Variants in SLC8B1 observed in about 807,000 individuals in gnomAD.
SLC8B1 encodes the protein mitochondrial sodium/calcium exchanger protein.
In SLC8B1, 52 loss-of-function variants were observed where a neutral mutation model predicts 63.4. The ratio of observed to expected loss-of-function variants is 0.82; its 90% confidence interval spans 0.66 to 1.03. The LOEUF (loss-of-function observed/expected upper bound fraction) is 1.03, where lower values mean the gene tolerates loss of function less well. SLC8B1 is among the 50% of genes least tolerant of loss of function. The probability of loss-of-function intolerance (pLI) is 0.00; values close to 1 mark genes in which losing one functional copy is unlikely to be tolerated. For synonymous variants in SLC8B1, 336 were observed against 323.9 expected (o/e 1.04, Z -0.40); for missense variants, 657 against 741.7 (o/e 0.89, Z 1.33).
At chr12:113,328,054 A>T (rs564412205) in intron 2 of SLC8B1, among the ~76,000 whole-genome samples, 15 of 151,556 alleles carry the variant, frequency 9.9e-5, no homozygotes, top group Non-Finnish European at 2.2e-4. Context: ...TTATTTAGAG[A>T]CAGGTTCTGT....
In SLC8B1 at chr12:113,334,136, C is replaced by G. The variant is rs75711507; in HGVS notation, c.-83+307G>C. ...AAAGACCGCGGGTTAGCAGTGGGGC[C>G]GGGCTGGTCACCACCATGTGCCTCT... On this transcript the variant is annotated intron_variant, in intron 1 of 15. Coordinates refer to ENST00000680972, the MANE Select transcript of SLC8B1 (RefSeq NM_001358345.2). Among the ~76,000 whole-genome samples, 756 of 152,270 alleles carry G rather than the reference C, an allele frequency of 5.0e-3. 23 individuals are homozygous for G. In the East Asian group the frequency reaches 0.09, roughly 18 times the overall value.
chr12:113,318,418 A>G (rs1956870854), intron 8 of SLC8B1, among the ~76,000 whole-genome samples: 1 of 148,918 alleles, frequency 6.7e-6, no homozygotes, highest in African/African-American at 2.5e-5. Context: ...ATATATTTGT[A>G]TGTGTGTTGT....
chr12:113,325,919 G>T (rs1956991813), intron 2 of SLC8B1, among the ~76,000 whole-genome samples: 1 of 152,144 alleles, frequency 6.6e-6, no homozygotes, highest in South Asian at 2.1e-4. Flanking sequence ...TGTAGTAGGG[G>T]CTTAATACAT....
chr12:113,332,272 T>G (rs1957065996), intron 2 of SLC8B1, among the ~76,000 whole-genome samples: 1 of 152,106 alleles, frequency 6.6e-6, no homozygotes, highest in Non-Finnish European at 1.5e-5. Flanking sequence ...TATGCTTACT[T>G]CTCTTTTTTT....
intron 7 of SLC8B1, among the ~76,000 whole-genome samples, chr12:113,319,587 G>T (rs963269295): frequency 1.3e-5 from 2 of 152,080 alleles, no homozygotes; most frequent in African/African-American, 4.8e-5. Flanking sequence ...TGCCACGAGG[G>T]ATGAGTGCGT....
intron 15 of SLC8B1, among the ~76,000 whole-genome samples, chr12:113,301,536 A>C (rs1052643651): frequency 3.9e-5 from 6 of 151,910 alleles, no homozygotes; most frequent in African/African-American, 1.5e-4. Flanking sequence ...ATGGAGTTTC[A>C]CCATGTTGGC....
chr12:113,319,314 C>A, intron 7 of SLC8B1: 1 of 446,158 alleles, frequency 2.2e-6, no homozygotes. Context: ...GAGAGACCTC[C>A]AGGTCCCCAT....
chr12:113,307,942 C>A, intron 12 of SLC8B1, 98 bp from the exon 13 acceptor site: 1 of 1,415,542 alleles, frequency 7.1e-7, no homozygotes, highest in East Asian at 2.4e-5. Flanking sequence ...CAGTATCTAC[C>A]TCATGAGCTT....
In SLC8B1 at chr12:113,320,557, C is replaced by T. The variant is rs1956909935; in HGVS notation, c.526+24G>A. The T allele has an allele frequency of 6.2e-7, 1 of 1,614,022 alleles. No individual in the cohort carries two copies. The highest frequency in any genetic ancestry group is 2.2e-5 in the East Asian group (1 of 44,890). ...CACCCTCTCCTGCTGCTTTCCCCGCCCCCCTCACTGGGGCTGCTCTCACCA... is the reference window on the plus strand; with the variant it reads ...CACCCTCTCCTGCTGCTTTCCCCGCTCCCCTCACTGGGGCTGCTCTCACCA... On this transcript the variant is annotated intron_variant, in intron 6 of 15. Coordinates refer to ENST00000680972, the MANE Select transcript of SLC8B1 (RefSeq NM_001358345.2). The surrounding 1 kb of genome is among the most constrained non-coding windows in gnomAD (Gnocchi z 5.3).
intron 8 of SLC8B1, 81 bp from the exon 9 acceptor site, chr12:113,317,082 G>A (rs986693827): frequency 7.3e-6 from 9 of 1,238,550 alleles, no homozygotes; most frequent in Non-Finnish European, 9.3e-6. Context: ...GTTTAGGGGT[G>A]CAAGTGTTCA....
intron 2 of SLC8B1, among the ~76,000 whole-genome samples, chr12:113,321,780 T>TTATATATATA (rs10641990): frequency 5.5e-5 from 8 of 145,720 alleles, no homozygotes; most frequent in African/African-American, 2.1e-4. Context: ...GCTTTTACCA[T>TTATATATATA]TATATATATA....
In SLC8B1 at chr12:113,304,373, C is replaced by A. The variant is rs1244828417; in HGVS notation, c.1505G>T (p.Gly502Val). The A allele has an allele frequency of 5.0e-6, 8 of 1,613,954 alleles. No individual in the cohort carries two copies. Among genetic ancestry groups the A allele is most frequent in the Non-Finnish European group, 5.9e-6 (7 of 1,179,920 alleles). ...CTGGAGCAGGCAGCCCAGCCCCACA[C>A]CCACGAGGATGTCTGCAGCCCAGCT... ...FGGIIFNILV[G>V]VGLGCLLQIS... The change falls in exon 15 of 16, where the codon GGT becomes GTT. Residue 502 changes from glycine (G) to valine (V), a missense_variant. Transcript: ENST00000680972.
intron 2 of SLC8B1, among the ~76,000 whole-genome samples, chr12:113,329,309 G>C (rs958358199): frequency 1.8e-4 from 28 of 152,128 alleles, no homozygotes; most frequent in Non-Finnish European, 3.7e-4. Flanking sequence ...AGCTCCGCCT[G>C]AAAGTTACTC....
chr12:113,322,806 C>T (rs932179226), intron 2 of SLC8B1, among the ~76,000 whole-genome samples: 2 of 152,084 alleles, frequency 1.3e-5, no homozygotes, highest in Admixed American at 1.3e-4. Flanking sequence ...AAAAACTAGC[C>T]GGGCTTGGTG....
At position 113,316,928 on chromosome 12, in the gene SLC8B1, G is replaced by A; in HGVS notation, c.862+14C>T. The A allele has an allele frequency of 6.2e-7, 1 of 1,612,622 alleles. No homozygotes were observed. The highest frequency in any genetic ancestry group is 8.5e-7 in the Non-Finnish European group (1 of 1,179,416). On this transcript the variant is annotated intron_variant, in intron 9 of 15. Transcript: ENST00000680972. Reference sequence around the variant, plus strand: ...GTTACCGCCACCCTGGCTGGGCACAGGGCACGGACTCACCGTAGTCATAGC... The same window carrying A: ...GTTACCGCCACCCTGGCTGGGCACAAGGCACGGACTCACCGTAGTCATAGC...
At chr12:113,311,007 C>A (rs991756272) in intron 11 of SLC8B1, among the ~76,000 whole-genome samples, 3 of 152,138 alleles carry the variant, frequency 2.0e-5, no homozygotes, top group African/African-American at 7.2e-5. Context: ...TCCCAAATGA[C>A]AGGGGGCTTA....
In SLC8B1 at chr12:113,307,676, C is replaced by T. The variant is rs371014503; in HGVS notation, c.1411+15G>A. The T allele has an allele frequency of 6.2e-7, 1 of 1,610,334 alleles. No homozygotes were observed. The highest frequency in any genetic ancestry group is 1.3e-5 in the African/African-American group (1 of 74,840). On this transcript the variant is annotated intron_variant, in intron 13 of 15. Coordinates refer to ENST00000680972, the MANE Select transcript of SLC8B1 (RefSeq NM_001358345.2). ...CGCACTCACCCCCACTCAACCCCAC[C>T]CAGCCCTGAGTCACCTCCAATGCTG...
intron 11 of SLC8B1, among the ~76,000 whole-genome samples, chr12:113,313,610 G>A (rs745394255): frequency 3.9e-5 from 6 of 151,970 alleles, no homozygotes; most frequent in Non-Finnish European, 8.8e-5. Context: ...GCATGGTGGC[G>A]GGTGCCTGTA....
chr12:113,320,171 T>C lies in SLC8B1; in HGVS notation c.694+160A>G. 1.2e-6 allele frequency: 1 copy of C among 813,546 alleles called. No homozygotes were observed. The highest frequency in any genetic ancestry group is 1.7e-5 in the South Asian group (1 of 57,468). The allele number at this position is 813,546 out of a possible 1,614,324, so 50.4% of individuals were successfully genotyped here. On this transcript the variant is annotated intron_variant, in intron 7 of 15. Transcript: ENST00000680972. This position sits in a 1 kb window ranked among gnomAD's most constrained non-coding sequence, Gnocchi z 5.3. ...CCTCTTTGGTTATGTGACCCACATG[T>C]TCCCATTTTTGCTCAAGCCAGCTTG...
Sources: gnomAD v4.1 joint callset for allele counts (sites outside exome capture counted in the v4.1 genomes callset) on GRCh38, gnomAD v4.1.1 for gene constraint, Gnocchi (gnomAD v3.1) non-coding constraint, MANE v1.5 for transcripts, NCBI Gene and HGNC (gene_info 2026-07-23, HGNC 2026-07-21) for gene names.